TIAM2: variants seen among roughly 807,000 people sequenced by gnomAD.
TIAM2 encodes rho guanine nucleotide exchange factor TIAM2.
In TIAM2, 80 loss-of-function variants were observed where a neutral mutation model predicts 152.9. The ratio of observed to expected loss-of-function variants is 0.52; its 90% CI spans 0.44 to 0.63. The LOEUF (loss-of-function observed/expected upper bound fraction) is 0.63. Ranked by LOEUF, TIAM2 falls within the 30% of genes least tolerant of loss-of-function variation. TIAM2 has a pLI of 0.00. For synonymous variants in TIAM2, 804 were observed against 838.0 expected (o/e 0.96, Z 0.70); for missense variants, 1,965 against 2,120.1 (o/e 0.93, Z 1.44).
In TIAM2 at chr6:155,220,529, G is replaced by C. The variant is rs1053303791; in HGVS notation, c.3168+9222G>C. On this transcript the variant is annotated intron_variant, in intron 15 of 26. Transcript: ENST00000682666. ...TGGAAAGTAAGGATGATGGCACCTA[G>C]CACACAGTGAGGTTGGAAGGATGCA... Among the ~76,000 whole-genome samples, 19 of 152,292 alleles carry C rather than the reference G, an allele frequency of 1.2e-4. No homozygotes were observed. The East Asian group carries it at 3.7e-3, about 29-fold the overall frequency.
At chr6:155,095,922 A>G (rs1161728345) in intron 2 of TIAM2, among the ~76,000 whole-genome samples, 2 of 152,202 alleles carry the variant, frequency 1.3e-5, no homozygotes, top group East Asian at 3.8e-4. Flanking sequence ...AGTAGCTAGT[A>G]TTTATAAGCC....
intron 15 of TIAM2, among the ~76,000 whole-genome samples, chr6:155,222,329 C>CGTG (rs71023633): frequency 1 from 151,854 of 151,880 alleles, 75,914 homozygotes; most frequent in Middle Eastern, 1. Context: ...GTTGGGTGGG[C>CGTG]GTGGCTCACG....
At position 155,183,360 on chromosome 6, in the gene TIAM2, C is replaced by G. The variant is rs955780322; in HGVS notation, c.2924C>G (p.Pro975Arg). Residue 975 changes from proline to arginine, a missense_variant, in exon 14 of 27, where the codon CCG (proline) becomes CGG (arginine). By Grantham distance (103) the Pro-to-Arg change is moderately radical. Coordinates refer to ENST00000682666, the MANE Select transcript of TIAM2 (RefSeq NM_012454.4). ...GGACTCACTCTGATTGCCCGGCCTC[C>G]GGACACAAAAGCAACCCTGTGTACA... ...SVGLTLIARP[P>R]DTKATLCTSW... 1.2e-6 allele frequency: 2 copies of G among 1,613,412 alleles called. No individual in the cohort carries two copies.
intron 2 of TIAM2, among the ~76,000 whole-genome samples, chr6:155,119,350 T>C (rs1290661334): frequency 5.4e-5 from 8 of 147,254 alleles, no homozygotes; most frequent in Non-Finnish European, 1.2e-4. Context: ...TCTTCTTTTC[T>C]TTTTTTTTTG....
intron 1 of TIAM2, among the ~76,000 whole-genome samples, chr6:155,025,821 AACACACACACACACACACACACAC>A (rs58173623): frequency 0.014 from 1,843 of 131,828 alleles, 40 homozygotes; most frequent in African/African-American, 0.048. Context: ...CTCCCCCTCA[AACACACACACACACACACACACAC>A]ACACACACAC....
chr6:155,211,253 A>G lies in TIAM2; in HGVS notation c.3114A>G (p.Thr1038=), dbSNP rs151171854. The G allele has an allele frequency of 2.5e-6, 4 of 1,613,598 alleles. No homozygotes were observed. The highest frequency in any genetic ancestry group is 2.7e-5 in the African/African-American group (2 of 74,928). The change falls in exon 15 of 27, where the codon ACA becomes ACG. Residue 1038 remains threonine, a synonymous_variant. Coordinates refer to ENST00000682666, the MANE Select transcript of TIAM2 (RefSeq NM_012454.4). ...DITTGLKRSQ[T]DGTLDQVSHR... is the part of the protein sequence containing the mutation. ...CAACAGGTCTGAAAAGGAGTCAGAC[A>G]GATGGCACTCTGGATCAGGTTTCCC...
In TIAM2 at chr6:155,256,901, G is replaced by A. The variant is rs778389955; in HGVS notation, c.4886G>A (p.Arg1629Gln). The change falls in exon 27 of 27, where the codon CGG (arginine) becomes CAG (glutamine). Residue 1629 changes from arginine (R) to glutamine (Q), a missense_variant. By Grantham distance (43) the Arg-to-Gln change is conservative. Coordinates refer to ENST00000682666, the MANE Select transcript of TIAM2 (RefSeq NM_012454.4). ...GGAGGAGAGCAGCCCAAACTGGTCC[G>A]GGGGCACTTCTGCCCCATTAAACGA... ...QKGGEQPKLV[R>Q]GHFCPIKRKA... 3.0e-5 allele frequency: 48 copies of A among 1,614,034 alleles called. No individual in the cohort carries two copies. The highest frequency in any genetic ancestry group is 5.0e-5 in the Admixed American group (3 of 60,008).
chr6:155,220,979 T>C (rs1378695691), intron 15 of TIAM2, among the ~76,000 whole-genome samples: 3 of 152,120 alleles, frequency 2.0e-5, no homozygotes, highest in African/African-American at 7.2e-5. Context: ...ATGGTTCTCA[T>C]TGTTCAGCTT....
chr6:155,025,875 CAG>C lies in TIAM2; in HGVS notation c.-209+30385_-209+30386del, dbSNP rs1385321034. On this transcript the variant is annotated intron_variant, in intron 1 of 26. Transcript: ENST00000682666. ...ACACACACACACACACACACACACA[CAG>C]AAAAGAAAGAAGGGAAGGAAACATT... Among the ~76,000 whole-genome samples, 28 of 109,746 alleles carry C rather than the reference CAG, an allele frequency of 2.6e-4. 1 individual carries two copies. Among genetic ancestry groups the C allele is most frequent in the African/African-American group, 8.4e-4 (25 of 29,724 alleles). The allele number at this position is 109,746 out of a possible 152,430, so 72.0% of individuals were successfully genotyped here. A position where few individuals can be genotyped will look rare whatever the true frequency, so the allele number is the denominator to read the frequency against.
At chr6:155,010,800 G>A (rs145330433) in intron 1 of TIAM2, among the ~76,000 whole-genome samples, 1,771 of 152,074 alleles carry the variant, frequency 0.012, 38 homozygotes, top group East Asian at 0.057. Context: ...TGGCCAGGCC[G>A]GTCTCGACCT....
intron 1 of TIAM2, among the ~76,000 whole-genome samples, chr6:155,000,110 C>T (rs1476970075): frequency 6.6e-6 from 1 of 152,206 alleles, no homozygotes; most frequent in Non-Finnish European, 1.5e-5. Context: ...TTGGCCTGTG[C>T]ATACATCATC....
At chr6:155,014,893 G>T (rs1354102927) in intron 1 of TIAM2, among the ~76,000 whole-genome samples, 3 of 152,160 alleles carry the variant, frequency 2.0e-5, no homozygotes, top group Admixed American at 6.6e-5. Context: ...AATGGGGCAG[G>T]CTCATGTTGA....
intron 1 of TIAM2, among the ~76,000 whole-genome samples, chr6:155,012,701 C>T (rs1452124791): frequency 6.6e-6 from 1 of 152,150 alleles, no homozygotes; most frequent in Admixed American, 6.5e-5. Flanking sequence ...CAGGCTCCCG[C>T]CACCATGCCT....
intron 8 of TIAM2, 115 bp downstream of exon 8, chr6:155,164,715 TAGAGGCCAGGTCACCC>T (rs1226574461): frequency 3.1e-6 from 4 of 1,290,542 alleles, no homozygotes; most frequent in African/African-American, 2.9e-5. Context: ...AACTGACACC[TAGAGGCCAGGTCACCC>T]AGAGGCCAGG....
At chr6:155,002,001 A>T (rs1018568639) in intron 1 of TIAM2, among the ~76,000 whole-genome samples, 7 of 152,246 alleles carry the variant, frequency 4.6e-5, no homozygotes, top group Admixed American at 4.6e-4. Context: ...CAAAAAAATT[A>T]TATTGTTGTT....
chr6:155,028,198 CATATA>C (rs1252998783), intron 1 of TIAM2, among the ~76,000 whole-genome samples: 1 of 108,520 alleles, frequency 9.2e-6, no homozygotes, highest in African/African-American at 3.5e-5. Context: ...ATATATACTA[CATATA>C]ATATATGTAC....
chr6:155,029,760 A>G (rs1776787531), intron 1 of TIAM2, among the ~76,000 whole-genome samples: 1 of 145,102 alleles, frequency 6.9e-6, no homozygotes, highest in Admixed American at 7.3e-5. Context: ...ATATATATGT[A>G]GAAAAAAACC....
intron 1 of TIAM2, among the ~76,000 whole-genome samples, chr6:155,025,773 AT>A (rs1041834315): frequency 6.6e-6 from 1 of 151,680 alleles, no homozygotes; most frequent in Admixed American, 6.6e-5. Flanking sequence ...AAAAAAATAG[AT>A]TTTTTCATAC....
chr6:155,150,757 C>G lies in TIAM2; in HGVS notation c.2028+2423C>G, dbSNP rs576256867. ...GGCCCTGCTTTCTGGTTTCTAGAAG[C>G]ATCTTCTTAACTGTATTCTAGCATG... On this transcript the variant is annotated intron_variant, in intron 7 of 26. Coordinates refer to ENST00000682666, the MANE Select transcript of TIAM2 (RefSeq NM_012454.4). Among the ~76,000 whole-genome samples the G allele has an allele frequency of 6.9e-4, 80 of 116,466 alleles. 1 individual carries two copies. The highest frequency in any genetic ancestry group is 1.3e-3 in the Non-Finnish European group (67 of 50,088). 76.4% of individuals were successfully genotyped at this position (116,466 alleles called of 152,430 possible).
Sources: gnomAD v4.1 joint callset for allele counts (sites outside exome capture counted in the v4.1 genomes callset) on GRCh38, gnomAD v4.1.1 for gene constraint, MANE v1.5 for transcripts, NCBI Gene and HGNC (gene_info 2026-07-23, HGNC 2026-07-21) for gene names.